The following TNS1 variants were observed in gnomAD, a reference collection of about 807,000 sequenced individuals.
The protein encoded by TNS1 is tensin 1.
TNS1 carries 62 observed loss-of-function variants against 168.6 expected under a neutral mutation model. That is an observed-to-expected ratio of 0.37 (90% CI 0.30 to 0.45). The LOEUF is 0.45. Among genes scored for constraint, TNS1 ranks in the 20% least tolerant of loss-of-function variants. The pLI is 1.00. For missense variants in TNS1, 2,240 were observed against 2,339.4 expected (o/e 0.96, Z 0.88); for synonymous variants, 934 against 933.2 (o/e 1.00, Z -0.02).
chr2:217,849,551 G>A (rs967756954), intron 18 of TNS1: 1 of 674,554 alleles, frequency 1.5e-6, no homozygotes, highest in African/African-American at 2.0e-5. Flanking sequence ...ACCAGTTCCT[G>A]GCACGTGATG....
chr2:218,029,365 A>G (rs1414687768), intron 1 of TNS1, among the ~76,000 whole-genome samples: 1 of 152,216 alleles, frequency 6.6e-6, no homozygotes, highest in African/African-American at 2.4e-5. Context: ...TGATTCCGAG[A>G]CACGTGGGTC....
intron 30 of TNS1, among the ~76,000 whole-genome samples, chr2:217,809,460 C>CATGGATGGATGCATGG (rs1940231492): frequency 2.3e-4 from 1 of 4,316 alleles, no homozygotes. Flanking sequence ...TGGATGGATG[C>CATGGATGGATGCATGG]ATGGATGGAT....
intron 12 of TNS1, 75 bp from the exon 13 acceptor site, chr2:217,886,721 AG>A (rs772072069): frequency 4.4e-5 from 53 of 1,199,080 alleles, no homozygotes; most frequent in Non-Finnish European, 5.9e-5. Flanking sequence ...CTCTTTTCCA[AG>A]AACATTGCCC....
At chr2:217,999,686 A>G (rs1958528674) in intron 1 of TNS1, among the ~76,000 whole-genome samples, 1 of 152,258 alleles carries the variant, frequency 6.6e-6, no homozygotes, top group Admixed American at 6.5e-5. Flanking sequence ...TTCAGGACCA[A>G]AGAGTCAGAT....
chr2:217,912,882 G>A (rs1452683314), intron 4 of TNS1, among the ~76,000 whole-genome samples: 1 of 152,148 alleles, frequency 6.6e-6, no homozygotes, highest in East Asian at 1.9e-4. Flanking sequence ...GCCTCCCAAG[G>A]CATCACCTCC....
chr2:217,970,671 A>G (rs1275294698), intron 3 of TNS1, among the ~76,000 whole-genome samples: 1 of 152,204 alleles, frequency 6.6e-6, no homozygotes, highest in Non-Finnish European at 1.5e-5. Context: ...CGGCAAATAT[A>G]TAGAGACGGG....
intron 1 of TNS1, among the ~76,000 whole-genome samples, chr2:217,996,835 C>T (rs1958479085): frequency 1.3e-5 from 2 of 152,238 alleles, no homozygotes; most frequent in African/African-American, 4.8e-5. Context: ...CCACTCACCC[C>T]AAATGCTGCC....
chr2:217,853,355 T>G (rs1010227219), intron 18 of TNS1, among the ~76,000 whole-genome samples: 1 of 152,008 alleles, frequency 6.6e-6, no homozygotes, highest in African/African-American at 2.4e-5. Context: ...AAGGGAGTGA[T>G]CAGTTCAGGG....
intron 22 of TNS1, among the ~76,000 whole-genome samples, chr2:217,823,586 G>A (rs546938517): frequency 2.4e-4 from 37 of 152,176 alleles, no homozygotes; most frequent in Admixed American, 5.2e-4. Context: ...CTAGACCCCG[G>A]AAGAGGATGG....
intron 4 of TNS1, among the ~76,000 whole-genome samples, chr2:217,912,729 T>C (rs1051990526): frequency 6.6e-6 from 1 of 152,124 alleles, no homozygotes. Context: ...GGCTGTGAGA[T>C]GGCACGTTAG....
At chr2:217,955,653 G>A (rs745397172) in intron 3 of TNS1, among the ~76,000 whole-genome samples, 3 of 152,160 alleles carry the variant, frequency 2.0e-5, no homozygotes, top group Non-Finnish European at 2.9e-5. Flanking sequence ...AGTGGGAGGC[G>A]GTCAACACCT....
intron 4 of TNS1, among the ~76,000 whole-genome samples, chr2:217,909,174 C>T (rs1381657968): frequency 6.7e-6 from 1 of 149,516 alleles, no homozygotes; most frequent in East Asian, 2.0e-4. Context: ...TTTCCAGGGG[C>T]TCTGTCATTC....
rs772319215 is a variant in TNS1 at position 217,922,208 on chromosome 2, G to C, written c.187-1972C>G. 2.0e-5 allele frequency among the ~76,000 whole-genome samples: 3 copies of C among 152,174 alleles called. No individual in the cohort carries two copies. The South Asian group carries it at 6.2e-4, about 32-fold the overall frequency. ...CCCAGAGCTGGCTGTGGCCTGCAGG[G>C]CTCTCTGCTTACCCTGCCCACGAGA... is the stretch of plus-strand genomic sequence containing the variant. On this transcript the variant is annotated intron_variant, in intron 3 of 32. Transcript: ENST00000682258.
chr2:217,839,034 G>A (rs1280721051), intron 19 of TNS1, among the ~76,000 whole-genome samples: 1 of 149,428 alleles, frequency 6.7e-6, no homozygotes, highest in Non-Finnish European at 1.5e-5. Context: ...CAGGTGCCTT[G>A]CACAGACACA....
intron 3 of TNS1, among the ~76,000 whole-genome samples, chr2:217,953,271 G>A (rs1004798004): frequency 3.3e-5 from 5 of 152,116 alleles, no homozygotes; most frequent in African/African-American, 9.7e-5. Context: ...GGGAGAGTGC[G>A]GGGCAACAGC....
intron 3 of TNS1, among the ~76,000 whole-genome samples, chr2:217,977,579 G>A (rs1292236743): frequency 6.6e-6 from 1 of 152,152 alleles, no homozygotes; most frequent in Non-Finnish European, 1.5e-5. Context: ...TGACATTTTT[G>A]AGCACCCACC....
At chr2:217,977,594 G>T (rs1957926768) in intron 3 of TNS1, among the ~76,000 whole-genome samples, 1 of 152,226 alleles carries the variant, frequency 6.6e-6, no homozygotes, top group Non-Finnish European at 1.5e-5. Context: ...CCCACCCTGT[G>T]CCAGGCACTG....
rs1941377999 is a variant in TNS1 at position 217,813,680 on chromosome 2, G to GT, written c.4861+4dup. The GT allele has an allele frequency of 2.5e-6, 4 of 1,606,316 alleles. No individual in the cohort carries two copies. Among genetic ancestry groups the GT allele is most frequent in the African/African-American group, 2.7e-5 (2 of 74,716 alleles). On this transcript the variant is annotated splice_donor_region_variant and intron_variant, in intron 26 of 32. Coordinates refer to ENST00000682258, the MANE Select transcript of TNS1 (RefSeq NM_001387777.1). The surrounding 1 kb of genome is among the most constrained non-coding windows in gnomAD (Gnocchi z 4.0). ...CCTGAGCCCCATTCTGGGAGATGAGGTTACCTTTTTTATTCTGCTGCATGA... is the reference window on the plus strand; with the variant it reads ...CCTGAGCCCCATTCTGGGAGATGAGGTTTACCTTTTTTATTCTGCTGCATGA...
upstream of TNS1, among the ~76,000 whole-genome samples, chr2:218,010,934 T>C (rs2106000544): frequency 6.6e-6 from 1 of 152,142 alleles, no homozygotes; most frequent in East Asian, 1.9e-4. Context: ...ACCTCCAACC[T>C]CTGACCCTGG....
Sources: allele counts gnomAD v4.1 joint callset (sites outside exome capture counted in the v4.1 genomes callset), GRCh38; gene constraint gnomAD v4.1.1; non-coding constraint Gnocchi (gnomAD v3.1); transcripts MANE v1.5; gene names NCBI Gene and HGNC (gene_info 2026-07-23, HGNC 2026-07-21).